Variants in TRIM15 observed in about 807,000 individuals in gnomAD.
TRIM15 encodes the protein E3 ubiquitin-protein ligase TRIM15.
In TRIM15, 35 loss-of-function variants were observed where a neutral mutation model predicts 35.8. That is an observed-to-expected ratio of 0.98 (90% confidence interval 0.75 to 1.30). The LOEUF (loss-of-function observed/expected upper bound fraction) is 1.30, where lower values mean the gene tolerates loss of function less well. Among genes scored for constraint, TRIM15 ranks in the 50% most tolerant of loss-of-function variants. The probability of loss-of-function intolerance (pLI) is 0.00; values close to 1 mark genes in which losing one functional copy is unlikely to be tolerated. For missense variants in TRIM15, 590 were observed against 593.5 expected, an observed-to-expected ratio of 0.99 and a Z score of 0.06; for synonymous variants, 252 against 249.8, an observed-to-expected ratio of 1.01 and a Z score of -0.08.
rs758973481 is a variant in TRIM15 at position 30,163,943 on chromosome 6, G to A, written c.259G>A (p.Gly87Ser). ...GGGAGAAACTTACTGCGAGGAGCAC[G>A]GCGAGAAGATCTACTTCTTCTGCGA... is the stretch of plus-strand genomic sequence containing the variant. ...PLGETYCEEHGEKIYFFCEND... is the reference protein window; with the variant it reads ...PLGETYCEEHSEKIYFFCEND... The change falls in exon 1 of 7, where the codon GGC (glycine) becomes AGC (serine). Residue 87 changes from glycine (G) to serine (S), a missense_variant. Physicochemically the swap from Gly to Ser is moderately conservative, Grantham distance 56. Transcript: ENST00000376694. 2.5e-6 allele frequency: 4 copies of A among 1,613,024 alleles called. No homozygotes were observed. The highest frequency in any genetic ancestry group is 3.4e-6 in the Non-Finnish European group (4 of 1,180,048).
chr6:30,172,171 C>A lies in TRIM15; in HGVS notation c.1220C>A (p.Pro407Gln), dbSNP rs779780664. 8 of 1,602,478 alleles carry A rather than the reference C, an allele frequency of 5.0e-6. No individual in the cohort carries two copies. The highest frequency in any genetic ancestry group is 2.3e-5 in the East Asian group (1 of 44,412). ...AGCACCTCCCCGGGCACCGACCTGC[C>A]GCTGAGCGAGATCCCGCGCGGCGTG... Reference protein sequence around the residue: ...WASTSPGTDLPLSEIPRGVRV... With the variant: ...WASTSPGTDLQLSEIPRGVRV... The change falls in exon 7 of 7, where the codon CCG (proline) becomes CAG (glutamine). Residue 407 changes from proline (P) to glutamine (Q), a missense_variant. Coordinates refer to ENST00000376694, the MANE Select transcript of TRIM15 (RefSeq NM_033229.3).
Position 30,163,824 on chromosome 6 carries a change from G to A in TRIM15, c.140G>A (p.Gly47Glu), listed in dbSNP as rs760831719. Residue 47 changes from glycine to glutamate, a missense_variant, in exon 1 of 7, where the codon GGG (glycine) becomes GAG (glutamate). Gly to Glu is a moderately conservative substitution (Grantham distance 98, BLOSUM62 -2). Coordinates refer to ENST00000376694, the MANE Select transcript of TRIM15 (RefSeq NM_033229.3). ...TGCCTCCCCGCGCTCTCCCAGATGG[G>A]GGCCCAATCCTCGGGCAAGATCCTG... ...RLCLPALSQMGAQSSGKILLC... is the reference protein window; with the variant it reads ...RLCLPALSQMEAQSSGKILLC... 5.6e-6 allele frequency: 9 copies of A among 1,612,890 alleles called. No homozygotes were observed. In the Admixed American group the frequency reaches 1.0e-4, roughly 18 times the overall value.
intron 1 of TRIM15, among the ~76,000 whole-genome samples, chr6:30,165,378 T>A (rs1285187491): frequency 6.6e-6 from 1 of 152,220 alleles, no homozygotes; most frequent in Non-Finnish European, 1.5e-5. Flanking sequence ...CCTGTGTTAG[T>A]TTGCTGAGAA....
In TRIM15 at chr6:30,171,929, A is replaced by T. The variant is rs1275193532; in HGVS notation, c.978A>T (p.Pro326=). 2 of 1,598,942 alleles carry T rather than the reference A, an allele frequency of 1.3e-6. No homozygotes were observed. The highest frequency in any genetic ancestry group is 2.2e-5 in the South Asian group (2 of 89,032). ...VRYTRQKKSL[P]DSPLRFDGLP... is the part of the protein sequence containing the mutation. ...ACACCCGGCAGAAGAAGAGCCTGCC[A>T]GACAGCCCCCTGCGCTTCGACGGCC... The change falls in exon 7 of 7, where the codon CCA becomes CCT. Residue 326 remains proline, a synonymous_variant. Coordinates refer to ENST00000376694, the MANE Select transcript of TRIM15 (RefSeq NM_033229.3).
Position 30,172,308 on chromosome 6 carries a change from G to A in TRIM15, c.1357G>A (p.Ala453Thr). Residue 453 changes from alanine to threonine, a missense_variant, in exon 7 of 7, where the codon GCC (alanine) becomes ACC (threonine). Transcript: ENST00000376694. Reference sequence around the variant, plus strand: ...CTCCGGCAAAGTCTTCCCTTTCTTTGCCGTCTGGAAAAAAGGTTCCTGCCT... The same window carrying A: ...CTCCGGCAAAGTCTTCCCTTTCTTTACCGTCTGGAAAAAAGGTTCCTGCCT... ...SFSGKVFPFF[A>T]VWKKGSCLTL... The A allele has an allele frequency of 5.0e-6, 8 of 1,611,818 alleles. No individual in the cohort carries two copies. Among genetic ancestry groups the A allele is most frequent in the Non-Finnish European group, 6.8e-6 (8 of 1,179,556 alleles).
In TRIM15 at chr6:30,172,403, C is replaced by G; in HGVS notation, c.*54C>G. The G allele has an allele frequency of 6.4e-7, 1 of 1,550,660 alleles. No homozygotes were observed. The highest frequency in any genetic ancestry group is 1.2e-5 in the South Asian group (1 of 81,204). On this transcript the variant is annotated 3_prime_UTR_variant, in exon 7 of 7. Transcript: ENST00000376694. ...GAGACGGCGGCTCTCCGGGATCCAG[C>G]TCCGCCCCTGGCCAGTGTGCGGCCC...
At chr6:30,166,066 T>A (rs1773572420) in intron 1 of TRIM15, among the ~76,000 whole-genome samples, 1 of 152,264 alleles carries the variant, frequency 6.6e-6, no homozygotes, top group African/African-American at 2.4e-5. Flanking sequence ...CTGTTCACTC[T>A]GATGATAGTT....
intron 2 of TRIM15, among the ~76,000 whole-genome samples, chr6:30,167,580 C>T (rs541712378): frequency 1.3e-5 from 2 of 152,286 alleles, no homozygotes; most frequent in South Asian, 2.1e-4. Flanking sequence ...GATTTCTTGA[C>T]CCTTAATTCA....
rs774577865 is a variant in TRIM15, at chr6:30,169,302, C to T, written c.731+39C>T. ...CCCGGTCCTGCCTCCTTTTACTCAA[C>T]ATCAAGACTGAATGGGAAGGGGCAG... On this transcript the variant is annotated intron_variant, in intron 4 of 6. Coordinates refer to ENST00000376694, the MANE Select transcript of TRIM15 (RefSeq NM_033229.3). The T allele has an allele frequency of 2.5e-6, 4 of 1,612,658 alleles. No homozygotes were observed. In the African/African-American group the frequency reaches 5.3e-5, roughly 22 times the overall value.
chr6:30,167,331 A>C, intron 2 of TRIM15, 60 bp downstream of exon 2: 3 of 1,400,408 alleles, frequency 2.1e-6, no homozygotes, highest in Non-Finnish European at 2.0e-6. Flanking sequence ...GACTCTGGGG[A>C]AACCCGTTGG....
rs777114069 is a variant in TRIM15 at position 30,172,467 on chromosome 6, G to T, written c.*118G>T. On this transcript the variant is annotated 3_prime_UTR_variant, in exon 7 of 7. Transcript: ENST00000376694. ...GCCCGCGTGAGGCGAGAGAACAGGGGACTTGAGTCTCGAACAGCGGTTGTT... is the reference window on the plus strand; with the variant it reads ...GCCCGCGTGAGGCGAGAGAACAGGGTACTTGAGTCTCGAACAGCGGTTGTT... The T allele has an allele frequency of 2.1e-5, 30 of 1,416,206 alleles. No individual in the cohort carries two copies. Among genetic ancestry groups the T allele is most frequent in the Non-Finnish European group, 2.9e-5 (30 of 1,045,476 alleles). The allele number at this position is 1,416,206 out of a possible 1,614,324, so 87.7% of individuals were successfully genotyped here. A position where few individuals can be genotyped will look rare whatever the true frequency, so the allele number is the denominator to read the frequency against.
chr6:30,166,252 C>T (rs1453715881), intron 1 of TRIM15, among the ~76,000 whole-genome samples: 1 of 152,126 alleles, frequency 6.6e-6, no homozygotes, highest in Non-Finnish European at 1.5e-5. Context: ...ACGTTTAAGT[C>T]TTTAATCCAT....
intron 5 of TRIM15, 49 bp from the exon 6 acceptor site, chr6:30,170,927 T>C: frequency 6.3e-7 from 1 of 1,593,700 alleles, no homozygotes; most frequent in East Asian, 2.2e-5. Context: ...GGGGTGCCTA[T>C]AAGAAGTAAT....
rs142179300 is a variant in TRIM15, at chr6:30,166,663, G to A, written c.382-513G>A. Reference sequence around the variant, plus strand: ...AAGAAAGTCAATGGTAGCTTGATAGGGATAACACTGAATCTATAAATTACT... The same window carrying A: ...AAGAAAGTCAATGGTAGCTTGATAGAGATAACACTGAATCTATAAATTACT... On this transcript the variant is annotated intron_variant, in intron 1 of 6. Coordinates refer to ENST00000376694, the MANE Select transcript of TRIM15 (RefSeq NM_033229.3). 9.5e-3 allele frequency among the ~76,000 whole-genome samples: 1,450 copies of A among 152,198 alleles called. 21 individuals carry two copies. The highest frequency in any genetic ancestry group is 0.031 in the African/African-American group (1,304 of 41,510).
intron 1 of TRIM15, among the ~76,000 whole-genome samples, chr6:30,164,912 G>A (rs569354000): frequency 8.5e-5 from 13 of 152,050 alleles, no homozygotes; most frequent in African/African-American, 3.1e-4. Context: ...CGGCCTCATC[G>A]CTCAGCCTCC....
At chr6:30,168,696 A>G (rs1773798678) in intron 3 of TRIM15, 166 bp downstream of exon 3, 3 of 688,146 alleles carry the variant, frequency 4.4e-6, no homozygotes, top group African/African-American at 3.5e-5. Context: ...CACTGTGGTC[A>G]TGTTAAGGGG....
rs753866886 is a variant in TRIM15, at chr6:30,172,247, GA to G, written c.1297del (p.Thr433ProfsTer31). On this transcript the variant is annotated frameshift_variant, in exon 7 of 7. Transcript: ENST00000376694. LOFTEE classifies it low-confidence loss of function (END_TRUNC). The part of the protein sequence containing the change: ...AGQVTLHNAQ[T>X]QEPIFTFTAS... ...GGCAGGTGACCCTCCACAACGCCCA[GA>G]CCCAGGAGCCCATCTTCACCTTCAC... 7.4e-6 allele frequency: 12 copies of G among 1,612,658 alleles called. No individual in the cohort carries two copies. Among genetic ancestry groups the G allele is most frequent in the Non-Finnish European group, 1.0e-5 (12 of 1,179,910 alleles).
Position 30,168,280 on chromosome 6 carries a change from C to G in TRIM15, c.478-20C>G, listed in dbSNP as rs1211338252. 3 of 1,604,734 alleles carry G rather than the reference C, an allele frequency of 1.9e-6. No individual in the cohort carries two copies. The highest frequency in any genetic ancestry group is 2.6e-6 in the Non-Finnish European group (3 of 1,174,488). ...TCTCTGAGCCCCTTCCTAACCATGT[C>G]TGCCTTTTATCCCTTGAAGACTCAG... On this transcript the variant is annotated intron_variant, in intron 2 of 6. Coordinates refer to ENST00000376694, the MANE Select transcript of TRIM15 (RefSeq NM_033229.3).
At chr6:30,164,613 T>A (rs1354971101) in intron 1 of TRIM15, among the ~76,000 whole-genome samples, 5 of 152,138 alleles carry the variant, frequency 3.3e-5, no homozygotes, top group Non-Finnish European at 1.5e-5. Context: ...AGTCACCAGG[T>A]CTGGAAGTGG....
Sources: gnomAD v4.1 joint callset for allele counts (sites outside exome capture counted in the v4.1 genomes callset) on GRCh38, gnomAD v4.1.1 for gene constraint, MANE v1.5 for transcripts, NCBI Gene and HGNC (gene_info 2026-07-23, HGNC 2026-07-21) for gene names.